LRRC4C: variants seen among roughly 807,000 people sequenced by gnomAD.
LRRC4C encodes leucine rich repeat containing 4C.
In LRRC4C, 5 loss-of-function variants were observed where a neutral mutation model predicts 33.6. The observed-to-expected ratio is 0.15, with a 90% CI of 0.08 to 0.31. The LOEUF (loss-of-function observed/expected upper bound fraction) is 0.31, where lower values mean the gene tolerates loss of function less well. Ranked by LOEUF, LRRC4C falls within the 10% of genes least tolerant of loss-of-function variation. The probability of loss-of-function intolerance (pLI) is 1.00; values close to 1 mark genes in which losing one functional copy is unlikely to be tolerated. For missense variants in LRRC4C, 560 were observed against 796.7 expected (o/e 0.70, Z 3.58); for synonymous variants, 329 against 302.0 (o/e 1.09, Z -0.93).
Position 40,578,140 on chromosome 11 carries a change from G to GTTTTTTTTTTTTTTTTTTTTTTTTTTTTT in LRRC4C, c.-270+70001_-270+70002insAAAAAAAAAAAAAAAAAAAAAAAAAAAAA, listed in dbSNP as rs1491105578. ...TGATATTATTGGACTTTTTTTTTTC[G>GTTTTTTTTTTTTTTTTTTTTTTTTTTTTT]GTTTTTTTTTTTTTTTTTTTTTTTT... On this transcript the variant is annotated intron_variant, in intron 3 of 6. Transcript: ENST00000528697. 1.9e-3 allele frequency among the ~76,000 whole-genome samples: 76 copies of GTTTTTTTTTTTTTTTTTTTTTTTTTTTTT among 40,570 alleles called. 36 individuals are homozygous for GTTTTTTTTTTTTTTTTTTTTTTTTTTTTT. The highest frequency in any genetic ancestry group is 2.6e-3 in the Admixed American group (8 of 3,114). 26.6% of individuals were successfully genotyped at this position (40,570 alleles called of 152,430 possible). A position where few individuals can be genotyped will look rare whatever the true frequency, so the allele number is the denominator to read the frequency against.
intron 2 of LRRC4C, among the ~76,000 whole-genome samples, chr11:40,787,761 G>A (rs11036078): frequency 6.6e-6 from 1 of 152,176 alleles, no homozygotes; most frequent in Admixed American, 6.5e-5. Flanking sequence ...CCCGGCAACA[G>A]GGATTGGAGC....
chr11:40,346,629 A>G (rs1947142956), intron 3 of LRRC4C, among the ~76,000 whole-genome samples: 1 of 152,136 alleles, frequency 6.6e-6, no homozygotes, highest in Non-Finnish European at 1.5e-5. Flanking sequence ...TGATGAAATA[A>G]TCTGTACAAC....
intron 1 of LRRC4C, among the ~76,000 whole-genome samples, chr11:41,124,464 G>C (rs955627254): frequency 6.6e-6 from 1 of 152,152 alleles, no homozygotes; most frequent in Non-Finnish European, 1.5e-5. Context: ...TCTTTTCTTC[G>C]TTCTACAGCA....
At chr11:41,312,731 G>T (rs931938418) in intron 1 of LRRC4C, among the ~76,000 whole-genome samples, 2 of 152,152 alleles carry the variant, frequency 1.3e-5, no homozygotes, top group Non-Finnish European at 2.9e-5. Context: ...GACCTCATTG[G>T]TCACCATGGG....
intron 5 of LRRC4C, among the ~76,000 whole-genome samples, chr11:40,234,922 A>C (rs1865454097): frequency 6.6e-6 from 1 of 152,222 alleles, no homozygotes; most frequent in African/African-American, 2.4e-5. Flanking sequence ...CTATAGGTAG[A>C]GACACAAGGT....
intron 2 of LRRC4C, among the ~76,000 whole-genome samples, chr11:40,864,343 G>A (rs1183989233): frequency 6.6e-6 from 1 of 152,052 alleles, no homozygotes; most frequent in Non-Finnish European, 1.5e-5. Context: ...TGCTGAGATT[G>A]CAGGTGTGAG....
chr11:41,005,253 C>T (rs1854660674), intron 1 of LRRC4C, among the ~76,000 whole-genome samples: 1 of 152,082 alleles, frequency 6.6e-6, no homozygotes, highest in East Asian at 1.9e-4. Flanking sequence ...GGGCAGATGC[C>T]TCATGAAGTA....
chr11:41,231,533 G>C (rs1022876605), intron 1 of LRRC4C, among the ~76,000 whole-genome samples: 3 of 146,708 alleles, frequency 2.0e-5, no homozygotes, highest in African/African-American at 7.6e-5. Context: ...ACCAAACACC[G>C]CATGTTCTCA....
chr11:40,282,993 A>C (rs1328960133), intron 4 of LRRC4C, among the ~76,000 whole-genome samples: 1 of 152,212 alleles, frequency 6.6e-6, no homozygotes, highest in African/African-American at 2.4e-5. Flanking sequence ...CAAACTTAAA[A>C]TTTACATTCT....
intron 2 of LRRC4C, among the ~76,000 whole-genome samples, chr11:40,720,985 G>T (rs1946982848): frequency 1.3e-5 from 2 of 152,260 alleles, no homozygotes; most frequent in East Asian, 3.9e-4. Flanking sequence ...TATAGGAAGT[G>T]AAGAATATAG....
chr11:40,436,380 CAT>C (rs1201355887), intron 3 of LRRC4C, among the ~76,000 whole-genome samples: 2 of 152,176 alleles, frequency 1.3e-5, no homozygotes, highest in African/African-American at 4.8e-5. Context: ...GCACATGAAA[CAT>C]AACTCCTGCC....
chr11:40,749,532 T>A (rs1665819196), intron 2 of LRRC4C, among the ~76,000 whole-genome samples: 1 of 141,968 alleles, frequency 7.0e-6, no homozygotes, highest in East Asian at 2.1e-4. Flanking sequence ...ATTATAAAGA[T>A]ATCAAAAAAA....
chr11:41,400,507 G>A lies in LRRC4C; in HGVS notation c.-496+58924C>T, dbSNP rs11036384. Among the ~76,000 whole-genome samples the A allele has an allele frequency of 2.6e-3, 394 of 151,910 alleles. 1 individual carries two copies. Among genetic ancestry groups the A allele is most frequent in the African/African-American group, 8.3e-3 (345 of 41,490 alleles). ...TGCTTCCAGTTCCAGACATGGGAACGCTGGGAATTCTACAACTATCATGGG... is the reference window on the plus strand; with the variant it reads ...TGCTTCCAGTTCCAGACATGGGAACACTGGGAATTCTACAACTATCATGGG... On this transcript the variant is annotated intron_variant, in intron 1 of 6. Transcript: ENST00000528697.
intron 1 of LRRC4C, among the ~76,000 whole-genome samples, chr11:41,330,125 C>G (rs1258687932): frequency 3.3e-5 from 5 of 152,126 alleles, no homozygotes; most frequent in Non-Finnish European, 5.9e-5. Context: ...GTCACCAATG[C>G]AACACATCTG....
At chr11:40,664,138 G>A (rs1240065983) in intron 2 of LRRC4C, among the ~76,000 whole-genome samples, 1 of 152,164 alleles carries the variant, frequency 6.6e-6, no homozygotes, top group African/African-American at 2.4e-5. Context: ...ATTTGGAACT[G>A]AATGTCAATG....
At chr11:40,215,627 C>T (rs1315541823) in intron 5 of LRRC4C, among the ~76,000 whole-genome samples, 1 of 152,084 alleles carries the variant, frequency 6.6e-6, no homozygotes, top group African/African-American at 2.4e-5. Context: ...TTGATTAGCC[C>T]AATTAACTCA....
chr11:41,073,133 G>A (rs1947720), intron 1 of LRRC4C, among the ~76,000 whole-genome samples: 147,989 of 152,246 alleles, frequency 0.97, 72,086 homozygotes, highest in East Asian at 1. Flanking sequence ...TTGTGTTACT[G>A]TAAAGGAATA....
At chr11:40,296,542 TA>T (rs943367362) in intron 4 of LRRC4C, among the ~76,000 whole-genome samples, 3 of 152,162 alleles carry the variant, frequency 2.0e-5, no homozygotes, top group African/African-American at 7.2e-5. Flanking sequence ...AACAGCTGTA[TA>T]TCAATTATCA....
intron 2 of LRRC4C, among the ~76,000 whole-genome samples, chr11:40,657,875 G>A (rs952561441): frequency 2.6e-5 from 4 of 152,148 alleles, no homozygotes; most frequent in Non-Finnish European, 5.9e-5. Flanking sequence ...GAAATAGGGA[G>A]CCTTCCACTT....
Sources: gnomAD v4.1 joint callset for allele counts (sites outside exome capture counted in the v4.1 genomes callset) on GRCh38, gnomAD v4.1.1 for gene constraint, MANE v1.5 for transcripts, NCBI Gene and HGNC (gene_info 2026-07-23, HGNC 2026-07-21) for gene names.